Variants in MACROD2 observed in about 807,000 individuals in gnomAD.
MACROD2 encodes the protein mono-ADP ribosylhydrolase 2.
In MACROD2, 36 loss-of-function variants were observed where a neutral mutation model predicts 70.4. The ratio of observed to expected loss-of-function variants is 0.51; its 90% CI spans 0.39 to 0.68. MACROD2 has a LOEUF of 0.68. Among genes scored for constraint, MACROD2 ranks in the 30% least tolerant of loss-of-function variants. The pLI, the probability that MACROD2 is intolerant of heterozygous loss-of-function variation, is 0.00. For missense variants in MACROD2, 496 were observed against 538.4 expected (o/e 0.92, Z 0.78); for synonymous variants, 172 against 178.8 (o/e 0.96, Z 0.30).
chr20:15,729,936 C>T (rs1365848315), intron 8 of MACROD2, among the ~76,000 whole-genome samples: 1 of 149,960 alleles, frequency 6.7e-6, no homozygotes, highest in South Asian at 2.1e-4. Flanking sequence ...TCAAGTGATT[C>T]TCTTGACTCA....
intron 3 of MACROD2, among the ~76,000 whole-genome samples, chr20:14,177,099 C>T (rs923400955): frequency 3.3e-5 from 5 of 152,154 alleles, no homozygotes; most frequent in Non-Finnish European, 7.3e-5. Flanking sequence ...GTTCTCCTTA[C>T]TACATTAGTG....
At chr20:14,403,951 A>T (rs937125119) in intron 3 of MACROD2, among the ~76,000 whole-genome samples, 1 of 152,156 alleles carries the variant, frequency 6.6e-6, no homozygotes, top group African/African-American at 2.4e-5. Context: ...GTTTAATATG[A>T]TAAAAAATAA....
chr20:14,804,877 T>TTTTGTGTG (rs2072620282), intron 5 of MACROD2, among the ~76,000 whole-genome samples: 1 of 147,920 alleles, frequency 6.8e-6, no homozygotes, highest in African/African-American at 2.5e-5. Context: ...GTGTGTGCTT[T>TTTTGTGTG]TGTGTGTGTG....
intron 6 of MACROD2, among the ~76,000 whole-genome samples, chr20:15,395,628 T>G (rs2045850472): frequency 6.6e-6 from 1 of 152,184 alleles, no homozygotes; most frequent in Non-Finnish European, 1.5e-5. Context: ...AAAACTTTAT[T>G]TACAAAAAGC....
chr20:14,714,652 A>G (rs890716108), intron 5 of MACROD2, among the ~76,000 whole-genome samples: 1 of 151,998 alleles, frequency 6.6e-6, no homozygotes, highest in Non-Finnish European at 1.5e-5. Flanking sequence ...GCCCCCTCTC[A>G]TGATAGGGAC....
At chr20:14,668,871 A>G (rs974253959) in intron 4 of MACROD2, among the ~76,000 whole-genome samples, 1 of 152,178 alleles carries the variant, frequency 6.6e-6, no homozygotes, top group Non-Finnish European at 1.5e-5. Context: ...GTAAAATTTC[A>G]TCAACATTAT....
At chr20:14,168,809 A>G (rs780249124) in intron 3 of MACROD2, among the ~76,000 whole-genome samples, 2 of 152,214 alleles carry the variant, frequency 1.3e-5, no homozygotes, top group Non-Finnish European at 2.9e-5. Context: ...TATTGACACT[A>G]TTCCACAAGA....
intron 8 of MACROD2, among the ~76,000 whole-genome samples, chr20:15,725,563 C>T (rs1364986686): frequency 2.0e-5 from 3 of 152,072 alleles, no homozygotes; most frequent in Admixed American, 2.0e-4. Flanking sequence ...AACCTGTATA[C>T]ATTTTATTTA....
In MACROD2 at chr20:15,350,999, A is replaced by AT. The variant is rs1027067561; in HGVS notation, c.541-80402dup. On this transcript the variant is annotated intron_variant, in intron 6 of 17. Transcript: ENST00000684519. The stretch of plus-strand genomic sequence containing the variant: ...AGTACCATCTAGAATAATGAAAGAA[A>AT]TTTTACCTGTATGATTTAAGTATTT... Among the ~76,000 whole-genome samples the AT allele has an allele frequency of 3.8e-4, 57 of 150,732 alleles. 1 individual carries two copies. Among genetic ancestry groups the AT allele is most frequent in the African/African-American group, 1.3e-3 (55 of 41,064 alleles).
chr20:15,764,409 A>G (rs1208054419), intron 8 of MACROD2, among the ~76,000 whole-genome samples: 1 of 152,164 alleles, frequency 6.6e-6, no homozygotes, highest in East Asian at 1.9e-4. Context: ...TCTAATAGGC[A>G]TCTTAAAATT....
At chr20:15,343,681 T>C (rs1353773572) in intron 6 of MACROD2, among the ~76,000 whole-genome samples, 4 of 152,198 alleles carry the variant, frequency 2.6e-5, no homozygotes, top group African/African-American at 9.7e-5. Context: ...GAGTATTCTT[T>C]GATCATTTCT....
chr20:15,429,538 G>A (rs191571325), intron 6 of MACROD2, among the ~76,000 whole-genome samples: 7 of 151,936 alleles, frequency 4.6e-5, no homozygotes, highest in Non-Finnish European at 7.4e-5. Context: ...GTTTTTAATA[G>A]AGCATCATGC....
chr20:15,958,216 A>T, intron 12 of MACROD2, among the ~76,000 whole-genome samples: 1 of 152,180 alleles, frequency 6.6e-6, no homozygotes, highest in Admixed American at 6.5e-5. Flanking sequence ...AAGCATTTTT[A>T]AAATACTGAA....
chr20:14,482,934 A>T (rs913643569), intron 3 of MACROD2, among the ~76,000 whole-genome samples: 2 of 152,308 alleles, frequency 1.3e-5, no homozygotes, highest in South Asian at 4.1e-4. Flanking sequence ...GGTCTCGAAC[A>T]TGTTACTTAA....
intron 8 of MACROD2, among the ~76,000 whole-genome samples, chr20:15,556,107 GA>G (rs1196080993): frequency 2.0e-5 from 3 of 152,134 alleles, no homozygotes; most frequent in Admixed American, 6.5e-5. Context: ...CTTAGAGAAG[GA>G]AAATTAAAAT....
At chr20:15,292,056 T>G (rs1189884532) in intron 6 of MACROD2, among the ~76,000 whole-genome samples, 4 of 152,176 alleles carry the variant, frequency 2.6e-5, no homozygotes, top group Non-Finnish European at 4.4e-5. Flanking sequence ...TTTTTTGTTT[T>G]TAGAGATAGA....
At chr20:15,702,753 G>A (rs2050478701) in intron 8 of MACROD2, among the ~76,000 whole-genome samples, 1 of 152,038 alleles carries the variant, frequency 6.6e-6, no homozygotes, top group Non-Finnish European at 1.5e-5. Context: ...GAAAATCAAC[G>A]TTATTTTTCA....
At position 15,862,740 on chromosome 20, in the gene MACROD2, T is replaced by C. The variant is rs760323859; in HGVS notation, c.646-5T>C. The C allele has an allele frequency of 1.9e-6, 3 of 1,610,094 alleles. No individual in the cohort carries two copies. In the South Asian group the frequency reaches 3.3e-5, roughly 18 times the overall value. ...CACTTTGAGTGTTTTATCTTTTGCCTCTAGGTGGATCGGATCATTTTCTGT... is the reference window on the plus strand; with the variant it reads ...CACTTTGAGTGTTTTATCTTTTGCCCCTAGGTGGATCGGATCATTTTCTGT... On this transcript the variant is annotated splice_region_variant and splice_polypyrimidine_tract_variant and intron_variant, in intron 8 of 17. Coordinates refer to ENST00000684519, the MANE Select transcript of MACROD2 (RefSeq NM_001351661.2).
intron 5 of MACROD2, among the ~76,000 whole-genome samples, chr20:14,924,460 A>C (rs2074204216): frequency 1.3e-5 from 2 of 152,020 alleles, no homozygotes; most frequent in Middle Eastern, 3.2e-3. Context: ...ATAAAAAATA[A>C]AAAATAAAAA....
Sources: allele counts gnomAD v4.1 joint callset (sites outside exome capture counted in the v4.1 genomes callset), GRCh38; gene constraint gnomAD v4.1.1; transcripts MANE v1.5; gene names NCBI Gene and HGNC (gene_info 2026-07-23, HGNC 2026-07-21).